The following RABGAP1 variants were observed in gnomAD, a reference collection of about 807,000 sequenced individuals.
The protein encoded by RABGAP1 is rab GTPase-activating protein 1.
In RABGAP1, 23 loss-of-function variants were observed where a neutral mutation model predicts 137.6. That is an observed-to-expected ratio of 0.17 (90% CI 0.12 to 0.24). RABGAP1 has a LOEUF of 0.24. RABGAP1 is among the 10% of genes least tolerant of loss of function. The pLI is 1.00. For synonymous variants in RABGAP1, 451 were observed against 450.7 expected (o/e 1.00, Z -0.01); for missense variants, 906 against 1,275.8 (o/e 0.71, Z 4.42).
At chr9:123,020,699 CTTTTT>C (rs1371396225) in intron 13 of RABGAP1, among the ~76,000 whole-genome samples, 9 of 152,104 alleles carry the variant, frequency 5.9e-5, no homozygotes, top group South Asian at 4.1e-4. Flanking sequence ...TATCCAGATT[CTTTTT>C]TGAGTGTAAA....
In RABGAP1 at chr9:123,097,807, G is replaced by A. The variant is rs200621817; in HGVS notation, c.2695G>A (p.Glu899Lys). The A allele has an allele frequency of 1.9e-6, 3 of 1,613,938 alleles. No homozygotes were observed. The South Asian group carries it at 3.3e-5, about 18-fold the overall frequency. Reference protein sequence around the residue: ...LMTKQKLIDAEEEKRRLEEES... With the variant: ...LMTKQKLIDAKEEKRRLEEES... ...GACCAAACAGAAGTTGATTGATGCA[G>A]AAGAAGAGAAAAGACGGCTGGAAGA... Residue 899 changes from glutamate to lysine, a missense_variant, in exon 22 of 26, where the codon GAA (glutamate) becomes AAA (lysine). By Grantham distance (56) the Glu-to-Lys change is moderately conservative. Around this residue, in one of 9 missense-constraint regions of RABGAP1, gnomAD observed 193 missense variants for 248.1 expected, o/e 0.78. Coordinates refer to ENST00000373647, the MANE Select transcript of RABGAP1 (RefSeq NM_012197.4).
At chr9:123,075,830 G>T (rs957773304) in intron 17 of RABGAP1, among the ~76,000 whole-genome samples, 1 of 152,154 alleles carries the variant, frequency 6.6e-6, no homozygotes, top group Non-Finnish European at 1.5e-5. Context: ...AGAATGGAGG[G>T]AGCCTTGAGC....
chr9:123,064,157 C>G (rs1342770714), intron 13 of RABGAP1, among the ~76,000 whole-genome samples: 1 of 152,180 alleles, frequency 6.6e-6, no homozygotes, highest in Non-Finnish European at 1.5e-5. Flanking sequence ...AGCTCTAATT[C>G]AGTCTGGAAG....
intron 10 of RABGAP1, among the ~76,000 whole-genome samples, chr9:123,008,408 A>C (rs1051634170): frequency 1.3e-5 from 2 of 152,004 alleles, no homozygotes; most frequent in African/African-American, 4.8e-5. Context: ...AGCTGGGCAT[A>C]GTGGCGGGCT....
intron 2 of RABGAP1, among the ~76,000 whole-genome samples, chr9:122,968,004 A>G (rs572024025): frequency 6.6e-6 from 1 of 152,270 alleles, no homozygotes; most frequent in South Asian, 2.1e-4. Context: ...CTGGCATTAC[A>G]GGTGTGAGCC....
intron 1 of RABGAP1, among the ~76,000 whole-genome samples, chr9:122,947,828 A>G (rs754843135): frequency 1.6e-4 from 25 of 152,236 alleles, no homozygotes; most frequent in Non-Finnish European, 5.9e-5. Context: ...GCTCACTAAA[A>G]TAATTCAAAG....
At chr9:123,075,936 T>A (rs1046572020) in intron 17 of RABGAP1, among the ~76,000 whole-genome samples, 4 of 152,206 alleles carry the variant, frequency 2.6e-5, no homozygotes, top group Non-Finnish European at 5.9e-5. Context: ...CAGGAGTTAT[T>A]TCCTGAGAGA....
intron 13 of RABGAP1, among the ~76,000 whole-genome samples, chr9:123,056,403 G>A (rs2033695951): frequency 6.6e-6 from 1 of 151,964 alleles, no homozygotes; most frequent in Admixed American, 6.5e-5. Context: ...TGGTTTGTAA[G>A]TTGGTACAAC....
chr9:123,046,700 GT>G (rs1173021616), intron 13 of RABGAP1, among the ~76,000 whole-genome samples: 2 of 152,198 alleles, frequency 1.3e-5, no homozygotes, highest in East Asian at 3.8e-4. Context: ...GAATAGGGTA[GT>G]ATGGATGAAG....
the RABGAP1 span, among the ~76,000 whole-genome samples, chr9:122,934,564 A>G: frequency 6.6e-6 from 1 of 151,980 alleles, no homozygotes; most frequent in Admixed American, 6.6e-5. Flanking sequence ...TTGTAGTGGC[A>G]TGATCACAGC....
chr9:123,018,864 ATCT>A (rs1472610960), intron 12 of RABGAP1, among the ~76,000 whole-genome samples: 1 of 152,222 alleles, frequency 6.6e-6, no homozygotes, highest in Admixed American at 6.5e-5. Flanking sequence ...TAGCCACAGC[ATCT>A]TCTTAATGTC....
At position 123,103,429 on chromosome 9, in the gene RABGAP1, C is replaced by A; in HGVS notation, c.*216C>A. 1.8e-6 allele frequency: 1 copy of A among 547,646 alleles called. No homozygotes were observed. Among genetic ancestry groups the A allele is most frequent in the Non-Finnish European group, 3.0e-6 (1 of 329,410 alleles). 33.9% of individuals were successfully genotyped at this position (547,646 alleles called of 1,614,324 possible). ...AACAGGCCTGCTAGCTCAGCCGACG[C>A]TCTGGACACTCTAGAAATCACTCCT... is the stretch of plus-strand genomic sequence containing the variant. On this transcript the variant is annotated 3_prime_UTR_variant, in exon 26 of 26. Coordinates refer to ENST00000373647, the MANE Select transcript of RABGAP1 (RefSeq NM_012197.4).
At chr9:123,026,023 T>TG (rs1234186997) in intron 13 of RABGAP1, among the ~76,000 whole-genome samples, 64 of 109,424 alleles carry the variant, frequency 5.8e-4, no homozygotes, top group African/African-American at 1.9e-3. Flanking sequence ...TTTTTTTTTT[T>TG]GGTAAACAGT....
intron 1 of RABGAP1, among the ~76,000 whole-genome samples, chr9:122,944,282 T>A (rs575005415): frequency 6.6e-6 from 1 of 151,810 alleles, no homozygotes; most frequent in South Asian, 2.1e-4. Context: ...CAGGCTGGAG[T>A]GCAGTAGTGC....
At chr9:123,079,402 C>T (rs186035879) in intron 19 of RABGAP1, among the ~76,000 whole-genome samples, 30 of 151,860 alleles carry the variant, frequency 2.0e-4, no homozygotes, top group African/African-American at 7.2e-4. Context: ...CATGCCCAGC[C>T]ACTTTTTTGT....
intron 10 of RABGAP1, among the ~76,000 whole-genome samples, chr9:123,002,853 T>C (rs985676411): frequency 1.3e-5 from 2 of 152,144 alleles, no homozygotes; most frequent in African/African-American, 2.4e-5. Context: ...CTGGACTCTT[T>C]ATTAAGGCTA....
At chr9:122,980,422 A>G (rs2131727157) in intron 2 of RABGAP1, among the ~76,000 whole-genome samples, 1 of 152,168 alleles carries the variant, frequency 6.6e-6, no homozygotes, top group South Asian at 2.1e-4. Context: ...GCTTACTGAC[A>G]TTTTGTTCTG....
At position 123,103,623 on chromosome 9, in the gene RABGAP1, A is replaced by ATATGTATATG; in HGVS notation, c.*413_*414insGTATATGTAT. The ATATGTATATG allele has an allele frequency of 1.1e-5, 1 of 90,878 alleles. No individual in the cohort carries two copies. The highest frequency in any genetic ancestry group is 2.0e-5 in the Non-Finnish European group (1 of 49,416). 5.6% of individuals were successfully genotyped at this position (90,878 alleles called of 1,614,324 possible). A position where few individuals can be genotyped will look rare whatever the true frequency, so the allele number is the denominator to read the frequency against. On this transcript the variant is annotated 3_prime_UTR_variant, in exon 26 of 26. Transcript: ENST00000373647. Reference sequence around the variant, plus strand: ...TATATATATATATATATATATATATATATATATATATATAGTGGGGGTGGG... The same window carrying ATATGTATATG: ...TATATATATATATATATATATATATATATGTATATGTATATATATATATAGTGGGGGTGGG...
intron 13 of RABGAP1, among the ~76,000 whole-genome samples, chr9:123,057,835 G>A (rs1449486847): frequency 6.6e-6 from 1 of 152,218 alleles, no homozygotes; most frequent in Non-Finnish European, 1.5e-5. Context: ...CGGATCACTC[G>A]CGGCCAGGAG....
Sources: gnomAD v4.1 joint callset for allele counts (sites outside exome capture counted in the v4.1 genomes callset) on GRCh38, gnomAD v4.1.1 for gene constraint, gnomAD v4.1.1 regional missense constraint, MANE v1.5 for transcripts, NCBI Gene and HGNC (gene_info 2026-07-23, HGNC 2026-07-21) for gene names.